Variants in ANKRD17 observed in about 807,000 individuals in gnomAD.
The protein encoded by ANKRD17 is ankyrin repeat domain-containing protein 17.
A neutral mutation model predicts 229.7 loss-of-function variants in ANKRD17; 19 were observed. The ratio of observed to expected loss-of-function variants is 0.08; its 90% confidence interval spans 0.06 to 0.12. The LOEUF is 0.12. Ranked by LOEUF, ANKRD17 falls within the 10% of genes least tolerant of loss-of-function variation. ANKRD17 has a pLI of 1.00. For synonymous variants in ANKRD17, 1,112 were observed against 1,146.1 expected (o/e 0.97, Z 0.60); for missense variants, 2,176 against 3,176.8 (o/e 0.68, Z 7.57).
chr4:73,248,398 AT>A (rs1744693827), intron 1 of ANKRD17, among the ~76,000 whole-genome samples: 1 of 152,022 alleles, frequency 6.6e-6, no homozygotes, highest in Non-Finnish European at 1.5e-5. Context: ...AAAGTATAGG[AT>A]TTATACGGGG....
At chr4:73,076,324 A>T (rs140639695) in intron 33 of ANKRD17, 34 bp from the exon 34 acceptor site, 1 of 1,471,248 alleles carries the variant, frequency 6.8e-7, no homozygotes, top group South Asian at 1.4e-5. Context: ...TACAAAATAT[A>T]TATCTAGCAT....
chr4:73,099,124 G>C lies in ANKRD17; in HGVS notation c.4574-604C>G, dbSNP rs963987539. 5 of 727,744 alleles carry C rather than the reference G, an allele frequency of 6.9e-6. No individual in the cohort carries two copies. In the African/African-American group the frequency reaches 7.0e-5, roughly 10 times the overall value. The allele number at this position is 727,744 out of a possible 1,614,324, so 45.1% of individuals were successfully genotyped here. On this transcript the variant is annotated intron_variant, in intron 25 of 33. Coordinates refer to ENST00000358602, the MANE Select transcript of ANKRD17 (RefSeq NM_032217.5). ...AGGAAGAGGAGGGCATCTGGCAGGA[G>C]TCCTCAGAGGAGGAGCAGTGACCGT...
At chr4:73,133,345 A>G (rs1242687512) in intron 16 of ANKRD17, among the ~76,000 whole-genome samples, 6 of 151,928 alleles carry the variant, frequency 3.9e-5, no homozygotes, top group Non-Finnish European at 1.5e-5. Flanking sequence ...AATGCTATCA[A>G]TATTAAATGT....
intron 1 of ANKRD17, among the ~76,000 whole-genome samples, chr4:73,225,078 T>G (rs965668490): frequency 6.6e-6 from 1 of 152,224 alleles, no homozygotes. Context: ...ATTTAAAGGC[T>G]GCTCAAAGTA....
chr4:73,157,127 T>A (rs372875184), intron 3 of ANKRD17, among the ~76,000 whole-genome samples: 9 of 152,300 alleles, frequency 5.9e-5, no homozygotes, highest in Non-Finnish European at 1.2e-4. Context: ...TAATTATACT[T>A]CTTTTGTTCG....
chr4:73,226,748 C>T (rs936987104), intron 1 of ANKRD17, among the ~76,000 whole-genome samples: 3 of 152,140 alleles, frequency 2.0e-5, no homozygotes, highest in African/African-American at 7.2e-5. Context: ...GAGTCTCGCT[C>T]TGTCGCCCAG....
At chr4:73,170,380 C>T (rs1382717324) in intron 2 of ANKRD17, among the ~76,000 whole-genome samples, 1 of 152,052 alleles carries the variant, frequency 6.6e-6, no homozygotes, top group African/African-American at 2.4e-5. Flanking sequence ...GGATCCATCA[C>T]CTACTGACTA....
At chr4:73,086,588 GA>G (rs1376810567) in intron 29 of ANKRD17, among the ~76,000 whole-genome samples, 1 of 151,174 alleles carries the variant, frequency 6.6e-6, no homozygotes, top group Non-Finnish European at 1.5e-5. Flanking sequence ...AATTGTCAAC[GA>G]TTTTTTTTTT....
At chr4:73,214,656 A>G (rs1004986626) in intron 1 of ANKRD17, among the ~76,000 whole-genome samples, 1 of 151,982 alleles carries the variant, frequency 6.6e-6, no homozygotes, top group East Asian at 1.9e-4. Context: ...AAAAGAGAGA[A>G]AAAGAAAAAC....
At chr4:73,102,608 C>T in intron 24 of ANKRD17, 61 bp from the exon 25 acceptor site, 2 of 1,541,676 alleles carry the variant, frequency 1.3e-6, no homozygotes, top group South Asian at 1.2e-5. Context: ...AAGAAGTTGT[C>T]ACATAATCAT....
At position 73,116,903 on chromosome 4, in the gene ANKRD17, CAT is replaced by C. The variant is rs1051619959; in HGVS notation, c.4189-989_4189-988del. On this transcript the variant is annotated intron_variant, in intron 22 of 33. Transcript: ENST00000358602. ...TATAGTACTCTAGCCCACAGTTGCACATGTTAGGTACTCAAGAAATAATGGAA... is the reference window on the plus strand; with the variant it reads ...TATAGTACTCTAGCCCACAGTTGCACGTTAGGTACTCAAGAAATAATGGAA... 3.3e-5 allele frequency among the ~76,000 whole-genome samples: 5 copies of C among 152,038 alleles called. No individual in the cohort carries two copies. In the East Asian group the frequency reaches 7.7e-4, roughly 24 times the overall value.
At chr4:73,101,536 G>A (rs962447535) in intron 25 of ANKRD17, among the ~76,000 whole-genome samples, 2 of 151,922 alleles carry the variant, frequency 1.3e-5, no homozygotes, top group South Asian at 4.2e-4. Context: ...ATGGTGGCAC[G>A]TCCCTGTAGT....
chr4:73,128,087 G>A (rs1204815259), intron 16 of ANKRD17, among the ~76,000 whole-genome samples: 3 of 152,196 alleles, frequency 2.0e-5, no homozygotes, highest in African/African-American at 4.8e-5. Context: ...ATGAGTGACA[G>A]CTCTGACTGT....
At position 73,100,457 on chromosome 4, in the gene ANKRD17, T is replaced by TA. The variant is rs1193525895; in HGVS notation, c.4573+1918dup. On this transcript the variant is annotated intron_variant, in intron 25 of 33. Transcript: ENST00000358602. The stretch of plus-strand genomic sequence containing the variant: ...GGTTTCCTATTTGCAGTTACTTGAA[T>TA]AAAAAAAAAAAACATATATATATAT... Among the ~76,000 whole-genome samples the TA allele has an allele frequency of 6.9e-3, 844 of 121,948 alleles. 3 individuals are homozygous for TA. The highest frequency in any genetic ancestry group is 0.016 in the African/African-American group (536 of 32,926). 80.0% of individuals were successfully genotyped at this position (121,948 alleles called of 152,430 possible).
chr4:73,246,716 A>T (rs1744535617), intron 1 of ANKRD17, among the ~76,000 whole-genome samples: 1 of 152,160 alleles, frequency 6.6e-6, no homozygotes, highest in Non-Finnish European at 1.5e-5. Flanking sequence ...GGGTAAAAGG[A>T]AGCAAGATGA....
At chr4:73,219,941 C>T (rs531853301) in intron 1 of ANKRD17, among the ~76,000 whole-genome samples, 4 of 152,232 alleles carry the variant, frequency 2.6e-5, no homozygotes, top group Non-Finnish European at 5.9e-5. Context: ...ACTCCTAAAA[C>T]TGGCTCAATT....
At chr4:73,142,489 C>A in intron 12 of ANKRD17, 104 bp from the exon 13 acceptor site, 5 of 1,565,842 alleles carry the variant, frequency 3.2e-6, no homozygotes, top group South Asian at 2.3e-5. Flanking sequence ...GCATTAAAAT[C>A]ATAGGTTTGG....
intron 1 of ANKRD17, among the ~76,000 whole-genome samples, chr4:73,182,068 A>G: frequency 8.3e-6 from 1 of 119,780 alleles, no homozygotes; most frequent in African/African-American, 2.7e-5. Flanking sequence ...AAAAAAAAAA[A>G]AAAAAAAAAA....
chr4:73,135,457 C>T (rs943437893), intron 15 of ANKRD17, among the ~76,000 whole-genome samples, 192 bp from the exon 16 acceptor site: 1 of 152,120 alleles, frequency 6.6e-6, no homozygotes, highest in East Asian at 1.9e-4. Flanking sequence ...TACTGAGTAA[C>T]TCATTTTCTA....
Sources: allele counts gnomAD v4.1 joint callset (sites outside exome capture counted in the v4.1 genomes callset), GRCh38; gene constraint gnomAD v4.1.1; transcripts MANE v1.5; gene names NCBI Gene and HGNC (gene_info 2026-07-23, HGNC 2026-07-21).